Variants in CNTN5 observed in about 807,000 individuals in gnomAD.
The protein encoded by CNTN5 is contactin 5, also known as contactin-5.
In CNTN5, 77 loss-of-function variants were observed where a neutral mutation model predicts 129.1. That is an observed-to-expected ratio of 0.60 (90% CI 0.50 to 0.72). The LOEUF (loss-of-function observed/expected upper bound fraction) is 0.72, where lower values mean the gene tolerates loss of function less well. Among genes scored for constraint, CNTN5 ranks in the 30% least tolerant of loss-of-function variants. The pLI, the probability that CNTN5 is intolerant of heterozygous loss-of-function variation, is 0.00. For missense variants in CNTN5, 1,478 were observed against 1,328.8 expected (o/e 1.11, Z -1.75); for synonymous variants, 509 against 465.6 (o/e 1.09, Z -1.20).
chr11:100,332,083 A>G (rs527729743), intron 21 of CNTN5, among the ~76,000 whole-genome samples: 40 of 152,264 alleles, frequency 2.6e-4, no homozygotes, highest in African/African-American at 9.4e-4. Flanking sequence ...TCGATAGACC[A>G]TTAGCATGAT....
chr11:99,869,500 C>A (rs1366291530), intron 6 of CNTN5, among the ~76,000 whole-genome samples: 2 of 152,096 alleles, frequency 1.3e-5, no homozygotes, highest in East Asian at 3.8e-4. Context: ...AGAATTTTAG[C>A]AAACATGCAA....
chr11:100,071,331 T>A (rs937357595), intron 11 of CNTN5, among the ~76,000 whole-genome samples: 3 of 152,092 alleles, frequency 2.0e-5, no homozygotes, highest in Non-Finnish European at 4.4e-5. Flanking sequence ...ACAACCTCAG[T>A]CTTTTCTACT....
chr11:99,658,598 G>A (rs1247872896), intron 3 of CNTN5, among the ~76,000 whole-genome samples: 11 of 151,734 alleles, frequency 7.2e-5, no homozygotes, highest in Admixed American at 2.0e-4. Context: ...TGGGCCTAGC[G>A]CAGAGGCTCA....
At chr11:99,623,028 C>A (rs1951005482) in intron 3 of CNTN5, among the ~76,000 whole-genome samples, 1 of 152,122 alleles carries the variant, frequency 6.6e-6, no homozygotes, top group South Asian at 2.1e-4. Context: ...TTGAAAGTAG[C>A]ATTGCCTTCT....
chr11:99,071,298 T>C (rs749571063), intron 1 of CNTN5, among the ~76,000 whole-genome samples: 29 of 152,148 alleles, frequency 1.9e-4, no homozygotes, highest in Non-Finnish European at 4.3e-4. Context: ...TTCCCTGTCA[T>C]GTAAAACACA....
chr11:99,735,293 T>G (rs1007130422), intron 3 of CNTN5, among the ~76,000 whole-genome samples: 1 of 152,210 alleles, frequency 6.6e-6, no homozygotes, highest in African/African-American at 2.4e-5. Context: ...TCCCAGTTCC[T>G]CCAGTTGTCT....
intron 13 of CNTN5, among the ~76,000 whole-genome samples, chr11:100,141,441 C>A (rs1349161356): frequency 1.3e-5 from 2 of 152,236 alleles, no homozygotes; most frequent in Middle Eastern, 6.8e-3. Flanking sequence ...CAATCCTGAG[C>A]ACAGGGGTGT....
intron 1 of CNTN5, among the ~76,000 whole-genome samples, chr11:99,131,088 C>T (rs1264353945): frequency 8.6e-6 from 1 of 116,524 alleles, no homozygotes; most frequent in Admixed American, 9.1e-5. Flanking sequence ...TGGTGAAACC[C>T]CATCTCTACT....
At chr11:99,842,128 C>T (rs1166537747) in intron 4 of CNTN5, among the ~76,000 whole-genome samples, 3 of 152,036 alleles carry the variant, frequency 2.0e-5, no homozygotes, top group Non-Finnish European at 4.4e-5. Flanking sequence ...CTACTGACCT[C>T]AGATGATGCA....
intron 2 of CNTN5, among the ~76,000 whole-genome samples, chr11:99,533,706 T>A (rs1316337194): frequency 6.6e-6 from 1 of 152,174 alleles, no homozygotes; most frequent in African/African-American, 2.4e-5. Context: ...TGCCTAAAGG[T>A]TGGAACTCAT....
At chr11:99,069,180 C>T (rs567816997) in intron 1 of CNTN5, among the ~76,000 whole-genome samples, 14 of 152,070 alleles carry the variant, frequency 9.2e-5, no homozygotes, top group Non-Finnish European at 2.1e-4. Context: ...GTGTTTTTTT[C>T]CCCAAATTGA....
intron 1 of CNTN5, among the ~76,000 whole-genome samples, chr11:99,283,419 CAT>C (rs1258899783): frequency 6.6e-6 from 1 of 151,994 alleles, no homozygotes; most frequent in Admixed American, 6.6e-5. Flanking sequence ...CATGCACACA[CAT>C]GTGCTTTTGT....
Position 99,852,992 on chromosome 11 carries a change from G to A in CNTN5, c.577+7730G>A, listed in dbSNP as rs189660756. Among the ~76,000 whole-genome samples the A allele has an allele frequency of 1.8e-3, 277 of 152,176 alleles. 1 individual carries two copies. Among genetic ancestry groups the A allele is most frequent in the Middle Eastern group, 0.01 (3 of 294 alleles). ...AATAGCAACATATCATGATAAAACA[G>A]CAAAATATCAGGATGACTTATGATC... On this transcript the variant is annotated intron_variant, in intron 6 of 24. Transcript: ENST00000524871.
chr11:99,735,185 G>T (rs148955845), intron 3 of CNTN5, among the ~76,000 whole-genome samples: 1 of 150,340 alleles, frequency 6.7e-6, no homozygotes, highest in Non-Finnish European at 1.5e-5. Context: ...AAGAGATTAC[G>T]TTCTAAGGTG....
At chr11:100,214,226 ATTTC>A (rs764235046) in intron 15 of CNTN5, among the ~76,000 whole-genome samples, 15 of 152,066 alleles carry the variant, frequency 9.9e-5, no homozygotes, top group Non-Finnish European at 1.5e-4. Context: ...ATTTTTGTTC[ATTTC>A]TTTCTTTTAA....
At chr11:99,653,343 A>G (rs969351948) in intron 3 of CNTN5, among the ~76,000 whole-genome samples, 2 of 151,952 alleles carry the variant, frequency 1.3e-5, no homozygotes, top group African/African-American at 4.8e-5. Context: ...CCATAAGCAC[A>G]GTATCTGGCT....
intron 8 of CNTN5, among the ~76,000 whole-genome samples, chr11:99,986,314 C>T (rs1006863153): frequency 6.6e-6 from 1 of 152,142 alleles, no homozygotes; most frequent in African/African-American, 2.4e-5. Flanking sequence ...TGATTATATC[C>T]ATATAGCTGA....
At chr11:100,018,053 G>T (rs1011518235) in intron 9 of CNTN5, among the ~76,000 whole-genome samples, 3 of 151,908 alleles carry the variant, frequency 2.0e-5, no homozygotes, top group African/African-American at 7.2e-5. Flanking sequence ...ACTTAAATGT[G>T]TAGAGAAAAC....
rs376024554 is a variant in CNTN5, at chr11:99,493,797, A to G, written c.-70-62348A>G. ...TTTTTAACAAATAGAAAGTTAAAGG[A>G]TTTACTTACCTTACATGTGCTCTGT... On this transcript the variant is annotated intron_variant, in intron 2 of 24. Transcript: ENST00000524871. Among the ~76,000 whole-genome samples the G allele has an allele frequency of 5.1e-4, 77 of 152,226 alleles. 1 individual carries two copies. The highest frequency in any genetic ancestry group is 1.7e-3 in the African/African-American group (72 of 41,556).
Sources: allele counts gnomAD v4.1 joint callset (sites outside exome capture counted in the v4.1 genomes callset), GRCh38; gene constraint gnomAD v4.1.1; transcripts MANE v1.5; gene names NCBI Gene and HGNC (gene_info 2026-07-23, HGNC 2026-07-21).